PXDNL: variants seen among roughly 807,000 people sequenced by gnomAD.
The protein encoded by PXDNL is peroxidasin like.
In PXDNL, 145 loss-of-function variants were observed where a neutral mutation model predicts 150.8. That is an observed-to-expected ratio of 0.96 (90% CI 0.84 to 1.10). PXDNL has a LOEUF of 1.10. Among genes scored for constraint, PXDNL ranks in the 50% least tolerant of loss-of-function variants. The pLI, the probability that PXDNL is intolerant of heterozygous loss-of-function variation, is 0.00. For missense variants in PXDNL, 2,087 were observed against 1,873.9 expected, an observed-to-expected ratio of 1.11 and a Z score of -2.10; for synonymous variants, 757 against 725.7, an observed-to-expected ratio of 1.04 and a Z score of -0.69.
At chr8:51,495,890 A>G (rs1229798278) in intron 5 of PXDNL, among the ~76,000 whole-genome samples, 4 of 152,216 alleles carry the variant, frequency 2.6e-5, no homozygotes, top group African/African-American at 9.7e-5. Context: ...AAACTATTCC[A>G]ATCAACAGAA....
chr8:51,408,694 TC>T lies in PXDNL; in HGVS notation c.2929del (p.Glu977AsnfsTer12), dbSNP rs756946784. ...CAGCTCCGTGGCCATCCTGTTGTGT[TC>T]CCGGAACCACAGGGTGTGCATGGCG... ...LAAMHTLWFR[E>X]HNRMATELSA... On this transcript the variant is annotated frameshift_variant, in exon 17 of 23. Coordinates refer to ENST00000356297, the MANE Select transcript of PXDNL (RefSeq NM_144651.5). LOFTEE classifies it high-confidence loss of function. 1 of 1,595,436 alleles carries T rather than the reference TC, an allele frequency of 6.3e-7. No homozygotes were observed. Among genetic ancestry groups the T allele is most frequent in the East Asian group, 2.3e-5 (1 of 43,854 alleles).
At chr8:51,698,008 T>G (rs1016215605) in intron 1 of PXDNL, among the ~76,000 whole-genome samples, 4 of 152,248 alleles carry the variant, frequency 2.6e-5, no homozygotes, top group African/African-American at 4.8e-5. Flanking sequence ...TAAAACATAC[T>G]TTACTGCTAA....
At chr8:51,486,777 TATATATATATATA>T (rs1190118253) in intron 5 of PXDNL, among the ~76,000 whole-genome samples, 243 of 11,986 alleles carry the variant, frequency 0.02, 3 homozygotes, top group Non-Finnish European at 0.043. Flanking sequence ...TATATATATA[TATATATATATATA>T]TATATTTTTT....
chr8:51,345,566 G>C (rs113817440), intron 20 of PXDNL, among the ~76,000 whole-genome samples: 9 of 152,202 alleles, frequency 5.9e-5, no homozygotes, highest in African/African-American at 1.9e-4. Flanking sequence ...TCATTTAAGG[G>C]ATCAAAACTA....
Position 51,457,657 on chromosome 8 carries a change from C to T in PXDNL, c.823G>A (p.Asp275Asn). 6.2e-7 allele frequency: 1 copy of T among 1,612,584 alleles called. No individual in the cohort carries two copies. The highest frequency in any genetic ancestry group is 2.2e-5 in the East Asian group (1 of 44,866). ...IIWIHNNHSL[D>N]LEDDTRLNVF... ...TTAAGTCGAGTATCATCTTCCAAAT[C>T]CAATGAGTGGCTGGAAATATAGGTT... is the stretch of plus-strand genomic sequence containing the variant. Residue 275 changes from aspartate (D) to asparagine (N), a missense_variant, in exon 9 of 23, where the codon GAT becomes AAT. By Grantham distance (23) the Asp-to-Asn change is conservative (BLOSUM62 1). Transcript: ENST00000356297.
intron 6 of PXDNL, among the ~76,000 whole-genome samples, chr8:51,482,661 G>T (rs139595573): frequency 0.046 from 7,042 of 152,222 alleles, 235 homozygotes; most frequent in Non-Finnish European, 0.063. Context: ...TGTTCTCATG[G>T]TAGTGAATAA....
chr8:51,591,742 C>T (rs1448595184), intron 3 of PXDNL, among the ~76,000 whole-genome samples: 1 of 152,044 alleles, frequency 6.6e-6, no homozygotes, highest in African/African-American at 2.4e-5. Context: ...CCTCAGCCTC[C>T]CGAGTAGCTG....
intron 4 of PXDNL, among the ~76,000 whole-genome samples, chr8:51,538,836 A>G (rs948076113): frequency 6.6e-6 from 1 of 152,230 alleles, no homozygotes; most frequent in Admixed American, 6.5e-5. Context: ...AAGACTTGCT[A>G]TAAACCACTA....
chr8:51,523,597 A>G (rs1811705108), intron 4 of PXDNL, among the ~76,000 whole-genome samples: 1 of 152,254 alleles, frequency 6.6e-6, no homozygotes, highest in South Asian at 2.1e-4. Context: ...ATGATGCCCA[A>G]TGTCCCTTCC....
chr8:51,480,022 G>C (rs1810566245), intron 6 of PXDNL, among the ~76,000 whole-genome samples: 1 of 152,146 alleles, frequency 6.6e-6, no homozygotes, highest in Non-Finnish European at 1.5e-5. Flanking sequence ...TGAAGAAAAG[G>C]ATTAGGAGTG....
intron 17 of PXDNL, among the ~76,000 whole-genome samples, chr8:51,399,533 TAC>T (rs1808184868): frequency 3.3e-5 from 5 of 152,170 alleles, no homozygotes; most frequent in Admixed American, 3.3e-4. Flanking sequence ...AAAATGAATG[TAC>T]AGTGAGAGGA....
chr8:51,437,674 A>G (rs1809440081), intron 12 of PXDNL, among the ~76,000 whole-genome samples: 1 of 152,262 alleles, frequency 6.6e-6, no homozygotes, highest in Non-Finnish European at 1.5e-5. Flanking sequence ...AAATTTGCAT[A>G]GAAGGGAAAT....
At chr8:51,663,539 G>A (rs919940830) in intron 1 of PXDNL, among the ~76,000 whole-genome samples, 13 of 152,116 alleles carry the variant, frequency 8.5e-5, no homozygotes, top group Admixed American at 4.6e-4. Context: ...GCAAGTCAGC[G>A]TTGACAGGGG....
intron 8 of PXDNL, among the ~76,000 whole-genome samples, chr8:51,465,489 C>T (rs116397910): frequency 7.2e-5 from 11 of 152,052 alleles, no homozygotes; most frequent in African/African-American, 2.7e-4. Context: ...CCTTGAGAAC[C>T]AAAACAAGAC....
At chr8:51,512,983 G>A (rs369762497) in intron 4 of PXDNL, among the ~76,000 whole-genome samples, 1 of 152,218 alleles carries the variant, frequency 6.6e-6, no homozygotes, top group Admixed American at 6.5e-5. Flanking sequence ...ATAAGGCAAG[G>A]AAGGCATCCT....
chr8:51,592,967 T>C (rs1813477584), intron 2 of PXDNL, among the ~76,000 whole-genome samples: 1 of 152,210 alleles, frequency 6.6e-6, no homozygotes, highest in African/African-American at 2.4e-5. Context: ...AAAATTCTTG[T>C]TCTCCTGAAG....
intron 12 of PXDNL, among the ~76,000 whole-genome samples, chr8:51,428,557 A>G (rs1041857800): frequency 6.6e-5 from 10 of 152,212 alleles, no homozygotes; most frequent in Non-Finnish European, 1.5e-4. Context: ...CAGCCCAGTA[A>G]TAGACCCATA....
intron 19 of PXDNL, among the ~76,000 whole-genome samples, chr8:51,359,684 C>T (rs910630207): frequency 1.3e-5 from 2 of 152,156 alleles, no homozygotes; most frequent in African/African-American, 4.8e-5. Flanking sequence ...AAGTTTGACA[C>T]TGGATTGATA....
Position 51,761,245 on chromosome 8 carries a change from G to A in PXDNL, c.164+47936C>T, listed in dbSNP as rs556941458. Among the ~76,000 whole-genome samples, 9 of 151,886 alleles carry A rather than the reference G, an allele frequency of 5.9e-5. 1 individual carries two copies. In the South Asian group the frequency reaches 1.2e-3, roughly 21 times the overall value. ...ATTACTTGATATTTACAAACAGCAGGGTTCTCCAAAATCCCATGGCATTTG... is the reference window on the plus strand; with the variant it reads ...ATTACTTGATATTTACAAACAGCAGAGTTCTCCAAAATCCCATGGCATTTG... On this transcript the variant is annotated intron_variant, in intron 1 of 22. Transcript: ENST00000356297.
Sources: allele counts gnomAD v4.1 joint callset (sites outside exome capture counted in the v4.1 genomes callset), GRCh38; gene constraint gnomAD v4.1.1; transcripts MANE v1.5; gene names NCBI Gene and HGNC (gene_info 2026-07-23, HGNC 2026-07-21).